The following DNAH7 variants were observed in gnomAD, a reference collection of about 807,000 sequenced individuals.
DNAH7 encodes dynein axonemal heavy chain 7.
Under a neutral mutation model 444.6 loss-of-function variants are expected in DNAH7, and 397 were observed. That is an observed-to-expected ratio of 0.89 (90% CI 0.82 to 0.97). The LOEUF is 0.97. DNAH7 is among the 50% of genes least tolerant of loss of function. The pLI, the probability that DNAH7 is intolerant of heterozygous loss-of-function variation, is 0.00. For synonymous variants in DNAH7, 1,636 were observed against 1,624.4 expected (o/e 1.01, Z -0.17); for missense variants, 4,902 against 4,800.8 (o/e 1.02, Z -0.62).
chr2:195,958,388 T>A (rs1027835502), intron 18 of DNAH7, among the ~76,000 whole-genome samples: 9 of 152,216 alleles, frequency 5.9e-5, no homozygotes, highest in African/African-American at 9.7e-5. Context: ...ATAATACATG[T>A]AACATTCAAA....
chr2:195,851,901 G>A (rs2125038573), intron 46 of DNAH7, among the ~76,000 whole-genome samples: 1 of 152,256 alleles, frequency 6.6e-6, no homozygotes, highest in East Asian at 1.9e-4. Flanking sequence ...TTAGGATGCA[G>A]GTAACCACTG....
chr2:195,906,836 G>A (rs377229872), intron 26 of DNAH7, 50 bp from the exon 27 acceptor site: 29 of 1,610,120 alleles, frequency 1.8e-5, no homozygotes, highest in East Asian at 2.2e-5. Flanking sequence ...ATATAAACAT[G>A]AGCTGTGCCA....
At chr2:195,982,219 T>A (rs1023493363) in intron 15 of DNAH7, among the ~76,000 whole-genome samples, 1 of 152,164 alleles carries the variant, frequency 6.6e-6, no homozygotes, top group Middle Eastern at 3.2e-3. Context: ...CAAACAGGCA[T>A]ATGGAAAGGT....
chr2:195,743,537 A>G (rs1693181108), intron 63 of DNAH7, among the ~76,000 whole-genome samples: 1 of 152,230 alleles, frequency 6.6e-6, no homozygotes, highest in South Asian at 2.1e-4. Flanking sequence ...CAGGAACATA[A>G]CAAAAATATG....
At chr2:196,058,449 C>T (rs944880552) in intron 1 of DNAH7, among the ~76,000 whole-genome samples, 1 of 152,188 alleles carries the variant, frequency 6.6e-6, no homozygotes, top group African/African-American at 2.4e-5. Flanking sequence ...CTCTCCCAGG[C>T]CTATCCCCAT....
chr2:195,963,921 A>G (rs1267146346), intron 17 of DNAH7, among the ~76,000 whole-genome samples: 1 of 152,102 alleles, frequency 6.6e-6, no homozygotes, highest in Non-Finnish European at 1.5e-5. Context: ...TTTACTGTAG[A>G]TTTATGAATT....
Position 195,737,858 on chromosome 2 carries a change from A to AAATAATAT in DNAH7, c.*62_*63insATATTATT. On this transcript the variant is annotated 3_prime_UTR_variant, in exon 65 of 65. Coordinates refer to ENST00000312428, the MANE Select transcript of DNAH7 (RefSeq NM_018897.3). The stretch of plus-strand genomic sequence containing the variant: ...AACAAAAAAAAAGGTTTAAGTAGTA[A>AAATAATAT]AATATGCTTTCTCTACTCAGCCAGC... 1 of 1,505,842 alleles carries AAATAATAT rather than the reference A, an allele frequency of 6.6e-7. No individual in the cohort carries two copies. Among genetic ancestry groups the AAATAATAT allele is most frequent in the South Asian group, 1.2e-5 (1 of 83,938 alleles). 93.3% of individuals were successfully genotyped at this position (1,505,842 alleles called of 1,614,324 possible).
chr2:195,816,378 A>G (rs1697219599), intron 51 of DNAH7, among the ~76,000 whole-genome samples: 1 of 152,204 alleles, frequency 6.6e-6, no homozygotes, highest in African/African-American at 2.4e-5. Flanking sequence ...AAATAAGGTA[A>G]ACGTTTTCTC....
At chr2:195,897,448 T>C (rs1702385127) in intron 29 of DNAH7, among the ~76,000 whole-genome samples, 1 of 152,188 alleles carries the variant, frequency 6.6e-6, no homozygotes, top group Non-Finnish European at 1.5e-5. Context: ...CATTATTTTC[T>C]GCAGTAACAA....
chr2:195,995,238 T>G, intron 12 of DNAH7: 1 of 402,792 alleles, frequency 2.5e-6, no homozygotes, highest in Non-Finnish European at 4.8e-6. Context: ...ATTTTTAGAC[T>G]TCTTAATGAG....
At chr2:196,019,429 T>G (rs1411621764) in intron 8 of DNAH7, 134 bp from the exon 9 acceptor site, 3 of 623,634 alleles carry the variant, frequency 4.8e-6, no homozygotes, top group Non-Finnish European at 4.7e-6. Context: ...AAACAAGCAA[T>G]TATGTTTTAA....
chr2:195,909,413 A>G lies in DNAH7; in HGVS notation c.4104+614T>C, dbSNP rs16841938. Among the ~76,000 whole-genome samples, 2,949 of 152,246 alleles carry G rather than the reference A, an allele frequency of 0.019. 245 individuals are homozygous for G. In the East Asian group the frequency reaches 0.27, roughly 14 times the overall value. On this transcript the variant is annotated intron_variant, in intron 25 of 64. Coordinates refer to ENST00000312428, the MANE Select transcript of DNAH7 (RefSeq NM_018897.3). ...AATAATCAGATGTTTATAGGTTTAT[A>G]GGCAGGGACTTGGTATCTCTAATTC...
intron 24 of DNAH7, among the ~76,000 whole-genome samples, chr2:195,920,068 A>G (rs931019941): frequency 6.6e-6 from 1 of 152,028 alleles, no homozygotes; most frequent in Non-Finnish European, 1.5e-5. Context: ...TGAAAACAGA[A>G]CTCTTGAAAA....
At chr2:195,954,273 T>C (rs1338310730) in intron 19 of DNAH7, among the ~76,000 whole-genome samples, 4 of 152,108 alleles carry the variant, frequency 2.6e-5, no homozygotes, top group Admixed American at 6.5e-5. Flanking sequence ...TGAGAACATG[T>C]GGTGTTTGGT....
At chr2:195,957,500 C>T in intron 18 of DNAH7, 53 bp from the exon 19 acceptor site, 1 of 1,400,168 alleles carries the variant, frequency 7.1e-7, no homozygotes, top group Non-Finnish European at 9.4e-7. Context: ...GCAAATGTTT[C>T]AAATGACAAA....
intron 37 of DNAH7, 126 bp from the exon 38 acceptor site, chr2:195,875,969 T>C: frequency 1.2e-6 from 1 of 849,048 alleles, no homozygotes; most frequent in Non-Finnish European, 1.7e-6. Context: ...AAGTGATGGT[T>C]TCTTTTCTAA....
chr2:195,815,489 A>C (rs1333722947), intron 51 of DNAH7, among the ~76,000 whole-genome samples: 5 of 152,172 alleles, frequency 3.3e-5, no homozygotes, highest in Non-Finnish European at 7.3e-5. Flanking sequence ...TACTATGATA[A>C]AGGAATTAAA....
chr2:195,937,971 A>G (rs1302399300), intron 19 of DNAH7, among the ~76,000 whole-genome samples: 1 of 152,168 alleles, frequency 6.6e-6, no homozygotes, highest in Admixed American at 6.6e-5. Context: ...TAAAAACTAA[A>G]TACTAAATTT....
At chr2:195,770,783 T>C (rs959830365) in intron 61 of DNAH7, among the ~76,000 whole-genome samples, 9 of 152,122 alleles carry the variant, frequency 5.9e-5, no homozygotes, top group African/African-American at 2.2e-4. Flanking sequence ...GGTAGGATCG[T>C]AGCTTACTGC....
Sources: allele counts gnomAD v4.1 joint callset (sites outside exome capture counted in the v4.1 genomes callset), GRCh38; gene constraint gnomAD v4.1.1; transcripts MANE v1.5; gene names NCBI Gene and HGNC (gene_info 2026-07-23, HGNC 2026-07-21).